The following DEPDC1 variants were observed in gnomAD, a reference collection of about 807,000 sequenced individuals.
DEPDC1 encodes the protein DEP domain containing 1, also known as DEP domain-containing protein 1A.
A neutral mutation model predicts 86.8 loss-of-function variants in DEPDC1; 66 were observed. That is an observed-to-expected ratio of 0.76 (90% CI 0.62 to 0.93). DEPDC1 has a LOEUF of 0.93. DEPDC1 is among the 40% of genes least tolerant of loss of function. The pLI is 0.00. For missense variants in DEPDC1, 792 were observed against 935.7 expected (o/e 0.85, Z 2.00); for synonymous variants, 255 against 314.9 (o/e 0.81, Z 2.02).
intron 1 of DEPDC1, 120 bp from the exon 2 acceptor site, chr1:68,494,815 T>C: frequency 1.2e-6 from 1 of 854,934 alleles, no homozygotes; most frequent in Admixed American, 2.9e-5. Flanking sequence ...ATAAAAATTC[T>C]TGAAGAATCA....
At position 68,476,937 on chromosome 1, in the gene DEPDC1, T is replaced by C; in HGVS notation, c.2431A>G (p.Arg811Gly). The change falls in exon 12 of 12, where the codon AGA becomes GGA. Residue 811 changes from arginine (R) to glycine (G), a missense_variant. Transcript: ENST00000456315. ...ILRKPKFRSL[R>G] ...ATAATTTTTAATTCAGTTAGTTATC[T>C]TAGACTACGGAACTTTGGTTTTCTT... The C allele has an allele frequency of 2.5e-6, 4 of 1,590,868 alleles. No homozygotes were observed. Among genetic ancestry groups the C allele is most frequent in the Non-Finnish European group, 3.4e-6 (4 of 1,169,010 alleles).
intron 9 of DEPDC1, among the ~76,000 whole-genome samples, chr1:68,479,731 A>T (rs1249991510): frequency 1.3e-5 from 2 of 151,808 alleles, no homozygotes; most frequent in Non-Finnish European, 1.5e-5. Context: ...TGAGCCCAGG[A>T]ATTCCAGGGT....
intron 5 of DEPDC1, 64 bp from the exon 6 acceptor site, chr1:68,487,048 T>C: frequency 2.7e-6 from 4 of 1,462,380 alleles, no homozygotes; most frequent in Non-Finnish European, 3.7e-6. Context: ...TATTTTAAAA[T>C]ATCACACTTA....
chr1:68,489,436 T>A lies in DEPDC1; in HGVS notation c.471+16A>T. On this transcript the variant is annotated intron_variant, in intron 3 of 11. Transcript: ENST00000456315. ...TAATTATATTTAAACTAGTAATTAG[T>A]AAAAGGATGTGTTACCTGAGATAAA... 6.9e-7 allele frequency: 1 copy of A among 1,444,222 alleles called. No homozygotes were observed. The highest frequency in any genetic ancestry group is 9.2e-7 in the Non-Finnish European group (1 of 1,089,602). 89.5% of individuals were successfully genotyped at this position (1,444,222 alleles called of 1,614,324 possible). A position where few individuals can be genotyped will look rare whatever the true frequency, so the allele number is the denominator to read the frequency against.
intron 5 of DEPDC1, 21 bp from the exon 6 acceptor site, chr1:68,487,005 T>C (rs1646197210): frequency 6.3e-7 from 1 of 1,590,290 alleles, no homozygotes; most frequent in African/African-American, 1.4e-5. Context: ...AGAAAAATAT[T>C]ACTAAGTAAA....
Position 68,479,226 on chromosome 1 carries a change from T to A in DEPDC1, c.2030A>T (p.Asp677Val). The change falls in exon 10 of 12, where the codon GAT becomes GTT. Residue 677 changes from aspartate (D) to valine (V), a missense_variant. Coordinates refer to ENST00000456315, the MANE Select transcript of DEPDC1 (RefSeq NM_001114120.3). ...LAGRLVSFLM[D>V]HHQEILQVPS... ...TACTTGAAGAATTTCCTGATGATGA[T>A]CCATTAAGAAAGAAACTAATCTTCC... The A allele has an allele frequency of 6.2e-7, 1 of 1,612,426 alleles. No individual in the cohort carries two copies. Among genetic ancestry groups the A allele is most frequent in the East Asian group, 2.2e-5 (1 of 44,804 alleles).
intron 10 of DEPDC1, 31 bp from the exon 11 acceptor site, chr1:68,478,003 A>ATATC: frequency 7.0e-7 from 1 of 1,424,336 alleles, no homozygotes; most frequent in African/African-American, 1.4e-5. Context: ...TAACTCTGTT[A>ATATC]ATTCTGGTCA....
rs1282402537 is a variant in DEPDC1, at chr1:68,483,872, T to C, written c.910+78A>G. ...AGGCTGCCACCTTTATATTTACCTA[T>C]GGTTTTAGATCTTCTAAATTATAAG... On this transcript the variant is annotated intron_variant, in intron 7 of 11. Transcript: ENST00000456315. 9.5e-6 allele frequency: 9 copies of C among 947,610 alleles called. No homozygotes were observed. In the South Asian group the frequency reaches 1.3e-4, roughly 14 times the overall value. The allele number at this position is 947,610 out of a possible 1,614,324, so 58.7% of individuals were successfully genotyped here.
chr1:68,486,171 G>A (rs751148532), intron 6 of DEPDC1, among the ~76,000 whole-genome samples: 5 of 151,980 alleles, frequency 3.3e-5, no homozygotes, highest in Non-Finnish European at 2.9e-5. Context: ...GGTAATCCCC[G>A]GTGTTGGAGG....
chr1:68,477,902 T>G lies in DEPDC1; in HGVS notation c.2183A>C (p.Gln728Pro). The G allele has an allele frequency of 6.3e-7, 1 of 1,587,394 alleles. No homozygotes were observed. Among genetic ancestry groups the G allele is most frequent in the Non-Finnish European group, 8.6e-7 (1 of 1,166,482 alleles). Reference sequence around the variant, plus strand: ...AGAAACTTTTTGCTCATCAAACTCCTGAGCACTAATCTGCTTACAGTATGA... The same window carrying G: ...AGAAACTTTTTGCTCATCAAACTCCGGAGCACTAATCTGCTTACAGTATGA... ...TYSYCKQISAQEFDEQKVSTS... is the reference protein window; with the variant it reads ...TYSYCKQISAPEFDEQKVSTS... The change falls in exon 11 of 12, where the codon CAG becomes CCG. Residue 728 changes from glutamine to proline, a missense_variant. Transcript: ENST00000456315.
chr1:68,492,137 A>C (rs970737054), intron 2 of DEPDC1, among the ~76,000 whole-genome samples: 36 of 152,216 alleles, frequency 2.4e-4, no homozygotes, highest in African/African-American at 8.2e-4. Context: ...GGTCTTCAAA[A>C]TTCTCTTAGA....
intron 3 of DEPDC1, 34 bp from the exon 4 acceptor site, chr1:68,489,068 T>C (rs760181762): frequency 1.5e-6 from 2 of 1,348,978 alleles, no homozygotes; most frequent in South Asian, 2.4e-5. Flanking sequence ...TAATCTGTTA[T>C]GCTCAAATTT....
intron 6 of DEPDC1, among the ~76,000 whole-genome samples, chr1:68,485,545 T>C (rs2100258524): frequency 6.6e-6 from 1 of 152,214 alleles, no homozygotes; most frequent in Non-Finnish European, 1.5e-5. Context: ...TCCAGTAAGT[T>C]ATATAATTGG....
At chr1:68,495,685 G>A (rs1646260154) in intron 1 of DEPDC1, among the ~76,000 whole-genome samples, 2 of 152,190 alleles carry the variant, frequency 1.3e-5, no homozygotes, top group African/African-American at 4.8e-5. Context: ...AACAGGCTCT[G>A]GAGTTAGACT....
At chr1:68,484,534 T>G (rs1646179006) in intron 6 of DEPDC1, among the ~76,000 whole-genome samples, 1 of 152,022 alleles carries the variant, frequency 6.6e-6, no homozygotes, top group Non-Finnish European at 1.5e-5. Context: ...CATTGTTGTT[T>G]CTTAAGCTTG....
intron 2 of DEPDC1, 56 bp downstream of exon 2, chr1:68,494,374 A>T: frequency 6.8e-7 from 1 of 1,470,276 alleles, no homozygotes; most frequent in Non-Finnish European, 9.2e-7. Context: ...GTATAATATA[A>T]GTAGAGATAA....
At chr1:68,481,324 C>T (rs1356240283) in intron 9 of DEPDC1, 116 bp downstream of exon 9, 2 of 934,508 alleles carry the variant, frequency 2.1e-6, no homozygotes, top group African/African-American at 1.7e-5. Context: ...CCTTTCCAAC[C>T]TAAGAATCTA....
chr1:68,474,669 A>C lies in DEPDC1; in HGVS notation c.*2263T>G, dbSNP rs1170624708. 2 of 152,028 alleles carry C rather than the reference A, an allele frequency of 1.3e-5. No individual in the cohort carries two copies. Among genetic ancestry groups the C allele is most frequent in the Admixed American group, 1.3e-4 (2 of 15,236 alleles). 9.4% of individuals were successfully genotyped at this position (152,028 alleles called of 1,614,324 possible). A position where few individuals can be genotyped will look rare whatever the true frequency, so the allele number is the denominator to read the frequency against. On this transcript the variant is annotated 3_prime_UTR_variant, in exon 12 of 12. Transcript: ENST00000456315. ...CTTATATCCCGAGAAAGCAACTACC[A>C]CCAAATCTACCAGTCAACTCATCTA...
chr1:68,491,731 G>A (rs542666661), intron 2 of DEPDC1, among the ~76,000 whole-genome samples: 7 of 151,974 alleles, frequency 4.6e-5, no homozygotes, highest in African/African-American at 1.4e-4. Context: ...AACAATATGT[G>A]GTTTGGTGTT....
Sources: allele counts gnomAD v4.1 joint callset (sites outside exome capture counted in the v4.1 genomes callset), GRCh38; gene constraint gnomAD v4.1.1; transcripts MANE v1.5; gene names NCBI Gene and HGNC (gene_info 2026-07-23, HGNC 2026-07-21).